Variants in SUMF1 observed in about 807,000 individuals in gnomAD.
SUMF1 encodes sulfatase modifying factor 1, also known as formylglycine-generating enzyme.
Under a neutral mutation model 47.6 loss-of-function variants are expected in SUMF1, and 48 were observed. The observed-to-expected ratio is 1.01, with a 90% CI of 0.80 to 1.28. The LOEUF (loss-of-function observed/expected upper bound fraction) is 1.28. Among genes scored for constraint, SUMF1 ranks in the 50% most tolerant of loss-of-function variants. The probability of loss-of-function intolerance (pLI) is 0.00; values close to 1 mark genes in which losing one functional copy is unlikely to be tolerated. For synonymous variants in SUMF1, 230 were observed against 192.1 expected (o/e 1.20, Z -1.63); for missense variants, 571 against 485.4 (o/e 1.18, Z -1.66).
At chr3:4,451,069 A>G (rs1389651091) in intron 2 of SUMF1, among the ~76,000 whole-genome samples, 1 of 151,210 alleles carries the variant, frequency 6.6e-6, no homozygotes, top group Non-Finnish European at 1.5e-5. Flanking sequence ...AAATGTTTAA[A>G]TGCATAAAAT....
At chr3:4,048,278 G>C (rs1003175885) in intron 9 of SUMF1, among the ~76,000 whole-genome samples, 7 of 152,090 alleles carry the variant, frequency 4.6e-5, no homozygotes, top group African/African-American at 1.7e-4. Flanking sequence ...AATCACATAG[G>C]GGAAGGAGAC....
intron 8 of SUMF1, among the ~76,000 whole-genome samples, chr3:4,170,344 G>C (rs1047901787): frequency 6.6e-6 from 1 of 152,158 alleles, no homozygotes; most frequent in Non-Finnish European, 1.5e-5. Flanking sequence ...AGATTGCTGA[G>C]TGCCCTAGAT....
chr3:4,446,630 C>T (rs1291670490), intron 3 of SUMF1, among the ~76,000 whole-genome samples: 1 of 152,076 alleles, frequency 6.6e-6, no homozygotes, highest in Non-Finnish European at 1.5e-5. Flanking sequence ...GGGAAAGAAC[C>T]CACCAATTAT....
intron 3 of SUMF1, among the ~76,000 whole-genome samples, chr3:4,435,215 C>T (rs1575217924): frequency 6.6e-6 from 1 of 152,262 alleles, no homozygotes; most frequent in Non-Finnish European, 1.5e-5. Context: ...GCTTGAGCCA[C>T]CGGGCCCAGA....
rs1249571902 is a variant in SUMF1 at position 4,159,693 on chromosome 3, C to CT, written c.1015-90949dup. On this transcript the variant is annotated intron_variant and NMD_transcript_variant, in intron 8 of 12. Coordinates refer to the SUMF1 transcript ENST00000448413. Reference sequence around the variant, plus strand: ...GTTAAATAACATCCTTTTCTTAACCCTTTTCAGATTAAGGAACTGCGTTTT... The same window carrying CT: ...GTTAAATAACATCCTTTTCTTAACCCTTTTTCAGATTAAGGAACTGCGTTTT... Among the ~76,000 whole-genome samples, 18 of 152,168 alleles carry CT rather than the reference C, an allele frequency of 1.2e-4. 1 individual carries two copies. The highest frequency in any genetic ancestry group is 1.2e-3 in the Admixed American group (18 of 15,284).
intron 8 of SUMF1, among the ~76,000 whole-genome samples, chr3:4,298,620 T>A (rs57407905): frequency 6.6e-6 from 1 of 152,212 alleles, no homozygotes; most frequent in Non-Finnish European, 1.5e-5. Context: ...ATGGCTCTTA[T>A]AATTCTTTTC....
intron 8 of SUMF1, among the ~76,000 whole-genome samples, chr3:4,190,057 T>C (rs905477148): frequency 1.3e-5 from 2 of 152,132 alleles, no homozygotes; most frequent in Non-Finnish European, 2.9e-5. Context: ...ACCATTGATA[T>C]CTATAAAGAC....
chr3:4,087,037 A>G (rs2125049872), intron 8 of SUMF1, among the ~76,000 whole-genome samples: 1 of 152,294 alleles, frequency 6.6e-6, no homozygotes, highest in Middle Eastern at 3.4e-3. Flanking sequence ...CATCATTTTA[A>G]CTTCCCAAAA....
chr3:4,183,366 A>G, intron 8 of SUMF1, among the ~76,000 whole-genome samples: 1 of 151,360 alleles, frequency 6.6e-6, no homozygotes, highest in South Asian at 2.1e-4. Flanking sequence ...GATGCCTTTA[A>G]TTATAGTCCT....
intron 8 of SUMF1, among the ~76,000 whole-genome samples, chr3:4,187,240 G>C (rs1355860031): frequency 6.6e-6 from 1 of 151,928 alleles, no homozygotes; most frequent in Non-Finnish European, 1.5e-5. Context: ...GCAATGTCAG[G>C]TACCTGCAGT....
At chr3:4,319,838 T>G (rs959006824) in intron 8 of SUMF1, among the ~76,000 whole-genome samples, 12 of 152,184 alleles carry the variant, frequency 7.9e-5, no homozygotes, top group Non-Finnish European at 1.5e-4. Context: ...AAATGAGCTA[T>G]CGAGCCACAG....
At chr3:4,269,473 A>T (rs921053115) in intron 8 of SUMF1, among the ~76,000 whole-genome samples, 6 of 152,236 alleles carry the variant, frequency 3.9e-5, no homozygotes, top group Non-Finnish European at 7.3e-5. Flanking sequence ...AGAGCTAGTC[A>T]TGAATCATAA....
chr3:4,076,265 G>A (rs1692430227), intron 8 of SUMF1, among the ~76,000 whole-genome samples: 2 of 152,120 alleles, frequency 1.3e-5, no homozygotes, highest in African/African-American at 4.8e-5. Flanking sequence ...AATAAATGGT[G>A]CTGGTGGGAA....
At chr3:4,457,349 A>G (rs970579406) in intron 1 of SUMF1, among the ~76,000 whole-genome samples, 11 of 152,094 alleles carry the variant, frequency 7.2e-5, no homozygotes, top group African/African-American at 2.7e-4. Context: ...ATCAAATGTA[A>G]TTCCTATCAA....
chr3:4,147,238 A>C (rs1040998526), intron 8 of SUMF1, among the ~76,000 whole-genome samples: 13 of 152,132 alleles, frequency 8.5e-5, no homozygotes, highest in African/African-American at 2.7e-4. Context: ...TAGTTCAACC[A>C]TTGTGGAAGT....
chr3:4,114,189 T>C (rs1175087400), intron 8 of SUMF1, among the ~76,000 whole-genome samples: 2 of 152,132 alleles, frequency 1.3e-5, no homozygotes, highest in Non-Finnish European at 2.9e-5. Context: ...GGACAGATGT[T>C]ACCCATGAAT....
intron 8 of SUMF1, among the ~76,000 whole-genome samples, chr3:4,244,926 G>A (rs867667583): frequency 6.6e-6 from 1 of 151,872 alleles, no homozygotes; most frequent in Admixed American, 6.6e-5. Context: ...TGGAGGCTTC[G>A]TTCGTTTTTG....
At chr3:4,137,028 TGTAAACTA>T (rs1310877095) in intron 8 of SUMF1, among the ~76,000 whole-genome samples, 3 of 152,092 alleles carry the variant, frequency 2.0e-5, no homozygotes, top group Non-Finnish European at 2.9e-5. Flanking sequence ...TTGGTGGGAC[TGTAAACTA>T]GTTCAACCAT....
intron 3 of SUMF1, among the ~76,000 whole-genome samples, chr3:4,420,686 A>G (rs711665): frequency 0.99 from 151,248 of 152,202 alleles, 75,159 homozygotes; most frequent in Middle Eastern, 1. Context: ...GTGAGCCACC[A>G]CACCCGGCCT....
Sources: allele counts gnomAD v4.1 joint callset (sites outside exome capture counted in the v4.1 genomes callset), GRCh38; gene constraint gnomAD v4.1.1; transcripts MANE v1.5; gene names NCBI Gene and HGNC (gene_info 2026-07-23, HGNC 2026-07-21).